The following TAFA2 variants were observed in gnomAD, a reference collection of about 807,000 sequenced individuals.
TAFA2 encodes the protein TAFA chemokine like family member 2, also known as chemokine-like protein TAFA-2.
Under a neutral mutation model 18.8 loss-of-function variants are expected in TAFA2, and 7 were observed. The ratio of observed to expected loss-of-function variants is 0.37; its 90% CI spans 0.21 to 0.70. TAFA2 has a LOEUF of 0.70. Ranked by LOEUF, TAFA2 falls within the 30% of genes least tolerant of loss-of-function variation. TAFA2 has a pLI of 0.53. For synonymous variants in TAFA2, 60 were observed against 54.2 expected, an observed-to-expected ratio of 1.11 and a Z score of -0.47; for missense variants, 122 against 158.1, an observed-to-expected ratio of 0.77 and a Z score of 1.23.
chr12:61,988,534 A>G (rs946096749), intron 1 of TAFA2, among the ~76,000 whole-genome samples: 6 of 152,142 alleles, frequency 3.9e-5, no homozygotes, highest in African/African-American at 1.4e-4. Context: ...CAGAGCACAT[A>G]ATGTCTTCAA....
intron 4 of TAFA2, among the ~76,000 whole-genome samples, chr12:61,752,550 T>A (rs1052796457): frequency 1.3e-5 from 2 of 151,966 alleles, no homozygotes; most frequent in Non-Finnish European, 2.9e-5. Context: ...ATCCAATGGG[T>A]TTTGAAAAGG....
At chr12:61,922,601 G>A (rs1453952377) in intron 1 of TAFA2, among the ~76,000 whole-genome samples, 6 of 152,312 alleles carry the variant, frequency 3.9e-5, no homozygotes, top group East Asian at 1.9e-4. Context: ...TTTGCAACCC[G>A]CAGACCAGGA....
intron 1 of TAFA2, among the ~76,000 whole-genome samples, chr12:62,134,292 G>C (rs1870807561): frequency 6.6e-6 from 1 of 151,850 alleles, no homozygotes; most frequent in South Asian, 2.1e-4. Flanking sequence ...GAGGTAATTA[G>C]GGTTAAATGA....
At chr12:62,096,522 G>A (rs1017368389) in intron 1 of TAFA2, among the ~76,000 whole-genome samples, 1 of 152,038 alleles carries the variant, frequency 6.6e-6, no homozygotes, top group Non-Finnish European at 1.5e-5. Context: ...CTTAAAAAAG[G>A]CTTTACTAAA....
intron 1 of TAFA2, among the ~76,000 whole-genome samples, chr12:62,015,227 G>T (rs2136719623): frequency 6.6e-6 from 1 of 152,196 alleles, no homozygotes; most frequent in East Asian, 1.9e-4. Context: ...TTTATAGCTT[G>T]GGTTCTTCAC....
At chr12:62,184,577 G>C (rs1443409779) in intron 1 of TAFA2, among the ~76,000 whole-genome samples, 4 of 139,262 alleles carry the variant, frequency 2.9e-5, no homozygotes. Flanking sequence ...CAATGCAGCT[G>C]TGACCTCCCA....
chr12:62,193,599 CA>C (rs1191284931), upstream of TAFA2, among the ~76,000 whole-genome samples: 3 of 152,116 alleles, frequency 2.0e-5, no homozygotes, highest in African/African-American at 7.2e-5. Context: ...TAAAATGCAT[CA>C]AGTAATTTAA....
At chr12:61,974,987 A>G (rs1879378052) in intron 1 of TAFA2, among the ~76,000 whole-genome samples, 1 of 151,436 alleles carries the variant, frequency 6.6e-6, no homozygotes, top group African/African-American at 2.4e-5. Flanking sequence ...AGTTGTTACA[A>G]CTGGAAATCT....
At chr12:61,847,876 T>G (rs1204502099) in intron 2 of TAFA2, among the ~76,000 whole-genome samples, 1 of 152,218 alleles carries the variant, frequency 6.6e-6, no homozygotes, top group Non-Finnish European at 1.5e-5. Context: ...CTATAACTAC[T>G]ATACAAATAA....
At chr12:62,130,531 T>A (rs1870639730) in intron 1 of TAFA2, among the ~76,000 whole-genome samples, 2 of 151,904 alleles carry the variant, frequency 1.3e-5, no homozygotes, top group African/African-American at 4.8e-5. Flanking sequence ...GGTAGGGAAA[T>A]GAATGAAAAT....
intron 1 of TAFA2, among the ~76,000 whole-genome samples, chr12:61,922,054 C>T (rs1332396440): frequency 6.6e-6 from 1 of 152,108 alleles, no homozygotes; most frequent in Non-Finnish European, 1.5e-5. Flanking sequence ...GTCGTCTTGA[C>T]AAGAGCAAGT....
intron 1 of TAFA2, among the ~76,000 whole-genome samples, chr12:62,051,269 C>T (rs1882045702): frequency 6.6e-6 from 1 of 152,206 alleles, no homozygotes; most frequent in Non-Finnish European, 1.5e-5. Context: ...CCTCCTCCTC[C>T]TGCCTGCTTC....
At chr12:61,716,069 A>G (rs960652525) in intron 4 of TAFA2, among the ~76,000 whole-genome samples, 15 of 152,214 alleles carry the variant, frequency 9.9e-5, no homozygotes, top group Admixed American at 9.8e-4. Flanking sequence ...AGATTGTCTG[A>G]GCTGAGAAGT....
Position 62,115,819 on chromosome 12 carries a change from C to T in TAFA2, c.-2+75440G>A, listed in dbSNP as rs886172941. Among the ~76,000 whole-genome samples the T allele has an allele frequency of 3.3e-5, 5 of 152,282 alleles. No individual in the cohort carries two copies. In the South Asian group the frequency reaches 8.3e-4, roughly 25 times the overall value. On this transcript the variant is annotated intron_variant, in intron 1 of 4. Transcript: ENST00000416284. Reference sequence around the variant, plus strand: ...TCTTGTCCTTGGTCACTGGCCCAAGCAGGTGATTACACGGTGTTCCTCAGG... The same window carrying T: ...TCTTGTCCTTGGTCACTGGCCCAAGTAGGTGATTACACGGTGTTCCTCAGG...
At chr12:62,230,330 T>C (rs963138025) in intron 1 of TAFA2, among the ~76,000 whole-genome samples, 12 of 152,160 alleles carry the variant, frequency 7.9e-5, no homozygotes, top group Non-Finnish European at 1.3e-4. Context: ...TTCTATGTTT[T>C]TGATGTAAGC....
intron 1 of TAFA2, among the ~76,000 whole-genome samples, chr12:61,982,297 G>A (rs1000310922): frequency 2.0e-5 from 3 of 152,066 alleles, no homozygotes; most frequent in African/African-American, 7.2e-5. Flanking sequence ...CGTGGGGTGG[G>A]GGTCTGGGGG....
intron 1 of TAFA2, among the ~76,000 whole-genome samples, chr12:62,244,298 A>G (rs1394049654): frequency 6.7e-6 from 1 of 148,790 alleles, no homozygotes; most frequent in Admixed American, 6.7e-5. Flanking sequence ...AGATAGATAT[A>G]TAAATCATGC....
At chr12:62,166,820 C>T (rs576254439) in intron 1 of TAFA2, among the ~76,000 whole-genome samples, 10 of 152,252 alleles carry the variant, frequency 6.6e-5, no homozygotes, top group Non-Finnish European at 1.5e-4. Context: ...AAATTCCAAT[C>T]GTGACACAGC....
chr12:62,036,536 C>T (rs978478455), intron 1 of TAFA2, among the ~76,000 whole-genome samples: 1 of 152,162 alleles, frequency 6.6e-6, no homozygotes, highest in Non-Finnish European at 1.5e-5. Flanking sequence ...TTTAGGGCTT[C>T]TTGTGTATCT....
Sources: allele counts gnomAD v4.1 joint callset (sites outside exome capture counted in the v4.1 genomes callset), GRCh38; gene constraint gnomAD v4.1.1; transcripts MANE v1.5; gene names NCBI Gene and HGNC (gene_info 2026-07-23, HGNC 2026-07-21).